KCNH5: variants seen among roughly 807,000 people sequenced by gnomAD.
KCNH5 encodes the protein potassium voltage-gated channel subfamily H member 5.
KCNH5 carries 46 observed loss-of-function variants against 96.1 expected under a neutral mutation model. The observed-to-expected ratio is 0.48, with a 90% CI of 0.38 to 0.61. The LOEUF (loss-of-function observed/expected upper bound fraction) is 0.61, where lower values mean the gene tolerates loss of function less well. KCNH5 is among the 20% of genes least tolerant of loss of function. KCNH5 has a pLI of 0.00. For missense variants in KCNH5, 907 were observed against 1,225.8 expected, an observed-to-expected ratio of 0.74 and a Z score of 3.88; for synonymous variants, 439 against 449.8, an observed-to-expected ratio of 0.98 and a Z score of 0.30.
intron 10 of KCNH5, among the ~76,000 whole-genome samples, chr14:62,760,873 A>G (rs1484305175): frequency 6.6e-6 from 1 of 152,280 alleles, no homozygotes; most frequent in Non-Finnish European, 1.5e-5. Context: ...ACAGTTAAGT[A>G]TTAAGAATTC....
chr14:62,829,199 G>A (rs1887289918), intron 8 of KCNH5, among the ~76,000 whole-genome samples: 1 of 152,154 alleles, frequency 6.6e-6, no homozygotes, highest in Admixed American at 6.5e-5. Context: ...ATGGGCTGGT[G>A]TTGAGTGCCT....
intron 10 of KCNH5, among the ~76,000 whole-genome samples, chr14:62,753,301 CAG>C (rs1478699540): frequency 2.0e-5 from 3 of 151,424 alleles, no homozygotes; most frequent in African/African-American, 7.3e-5. Flanking sequence ...TGAAAATAGA[CAG>C]AAGAGAAAAA....
At chr14:62,922,573 A>AAC (rs1889399629) in intron 7 of KCNH5, among the ~76,000 whole-genome samples, 1 of 152,154 alleles carries the variant, frequency 6.6e-6, no homozygotes, top group East Asian at 1.9e-4. Context: ...AACTGAATTC[A>AAC]ACAGCATATT....
chr14:62,751,409 C>T (rs540503072), intron 10 of KCNH5, among the ~76,000 whole-genome samples: 17 of 152,298 alleles, frequency 1.1e-4, no homozygotes, highest in Non-Finnish European at 7.3e-5. Context: ...ACCCAAGGCT[C>T]CTCTAGAGAT....
At chr14:62,856,923 G>A (rs1340181614) in intron 7 of KCNH5, among the ~76,000 whole-genome samples, 1 of 152,044 alleles carries the variant, frequency 6.6e-6, no homozygotes, top group Non-Finnish European at 1.5e-5. Context: ...AGAGATGCTG[G>A]AATTTGGAAA....
rs2139892971 is a variant in KCNH5 at position 62,700,707 on chromosome 14, A to AT, written c.*6800dup. On this transcript the variant is annotated 3_prime_UTR_variant, in exon 11 of 11. Coordinates refer to ENST00000322893, the MANE Select transcript of KCNH5 (RefSeq NM_139318.5). ...GAATTATAAATGAATCTTTGTTGTG[A>AT]TTTTGCATAGTTTACTAGCTAGGTA... 1 of 152,242 alleles carries AT rather than the reference A, an allele frequency of 6.6e-6. No individual in the cohort carries two copies. Among genetic ancestry groups the AT allele is most frequent in the South Asian group, 2.1e-4 (1 of 4,830 alleles). 9.4% of individuals were successfully genotyped at this position (152,242 alleles called of 1,614,324 possible).
intron 10 of KCNH5, among the ~76,000 whole-genome samples, chr14:62,771,173 C>G (rs1356865520): frequency 6.6e-6 from 1 of 152,122 alleles, no homozygotes; most frequent in Non-Finnish European, 1.5e-5. Context: ...CTTCTAACCT[C>G]CAGAACTGTG....
chr14:62,729,684 T>C (rs1017119338), intron 10 of KCNH5, among the ~76,000 whole-genome samples: 4 of 152,192 alleles, frequency 2.6e-5, no homozygotes, highest in African/African-American at 4.8e-5. Context: ...CTCTTCTTCC[T>C]TTGCACAATG....
Position 63,003,214 on chromosome 14 carries a change from A to C in KCNH5, c.305-1755T>G, listed in dbSNP as rs1282718165. On this transcript the variant is annotated intron_variant, in intron 3 of 10. Transcript: ENST00000322893. ...TTAGATATGAAGGTAATTGTTTTTC[A>C]ACTTTCCAAGCCACAGGGTCATATT... Among the ~76,000 whole-genome samples the C allele has an allele frequency of 3.3e-5, 5 of 151,718 alleles. No homozygotes were observed. The East Asian group carries it at 7.7e-4, about 23-fold the overall frequency.
At chr14:62,768,561 A>C in intron 10 of KCNH5, among the ~76,000 whole-genome samples, 1 of 152,246 alleles carries the variant, frequency 6.6e-6, no homozygotes, top group Non-Finnish European at 1.5e-5. Context: ...CTAAAATAAA[A>C]ACAAATGTCT....
chr14:62,772,636 G>GAAAAA (rs3045398), intron 10 of KCNH5, among the ~76,000 whole-genome samples: 1 of 84,730 alleles, frequency 1.2e-5, no homozygotes, highest in Admixed American at 1.4e-4. Context: ...GACTTTGTCT[G>GAAAAA]AAAAAAAAAA....
intron 9 of KCNH5, among the ~76,000 whole-genome samples, chr14:62,785,912 G>C (rs563051761): frequency 6.6e-6 from 1 of 152,278 alleles, no homozygotes; most frequent in South Asian, 2.1e-4. Context: ...CCACAGTTAG[G>C]CAGGGCACGG....
chr14:62,831,689 A>C (rs1887352834), intron 8 of KCNH5, among the ~76,000 whole-genome samples: 1 of 151,968 alleles, frequency 6.6e-6, no homozygotes, highest in African/African-American at 2.4e-5. Context: ...TTTTCTTGTA[A>C]TGTGTTTTGA....
intron 7 of KCNH5, among the ~76,000 whole-genome samples, chr14:62,855,832 AT>A (rs1404403711): frequency 6.6e-6 from 1 of 152,248 alleles, no homozygotes; most frequent in African/African-American, 2.4e-5. Context: ...CATCACAGAC[AT>A]CACTATTCAT....
rs200814717 is a variant in KCNH5 at position 63,016,485 on chromosome 14, T to C, written c.197+346A>G. Among the ~76,000 whole-genome samples, 65 of 152,158 alleles carry C rather than the reference T, an allele frequency of 4.3e-4. 1 individual carries two copies. The East Asian group carries it at 6.6e-3, about 15-fold the overall frequency. ...GTTTTATTCAAGACAATTTAGTTGT[T>C]CCAGAGGTGCTGTAGATCACATGCC... On this transcript the variant is annotated intron_variant, in intron 2 of 10. Coordinates refer to ENST00000322893, the MANE Select transcript of KCNH5 (RefSeq NM_139318.5).
chr14:62,861,839 C>T (rs1888041295), intron 7 of KCNH5, among the ~76,000 whole-genome samples: 2 of 152,100 alleles, frequency 1.3e-5, no homozygotes, highest in African/African-American at 4.8e-5. Context: ...TATTTCGATA[C>T]AGAGATTTTC....
Position 62,970,817 on chromosome 14 carries a change from T to C in KCNH5, c.942+10055A>G, listed in dbSNP as rs115334866. Among the ~76,000 whole-genome samples, 906 of 151,324 alleles carry C rather than the reference T, an allele frequency of 6.0e-3. 6 individuals carry two copies. Among genetic ancestry groups the C allele is most frequent in the African/African-American group, 0.021 (859 of 41,210 alleles). ...AACATCGATTCATGATAAAATACTC[T>C]CAACAAACTACAAGTAGAGAGGAAA... On this transcript the variant is annotated intron_variant, in intron 6 of 10. Transcript: ENST00000322893.
intron 8 of KCNH5, among the ~76,000 whole-genome samples, chr14:62,817,595 T>C (rs1174475377): frequency 6.7e-6 from 1 of 150,332 alleles, no homozygotes; most frequent in Non-Finnish European, 1.5e-5. Context: ...ATGTATTTGC[T>C]ATATCTACTA....
At chr14:62,892,982 T>C (rs1482100082) in intron 7 of KCNH5, among the ~76,000 whole-genome samples, 1 of 152,210 alleles carries the variant, frequency 6.6e-6, no homozygotes, top group East Asian at 1.9e-4. Flanking sequence ...CAACATCCAT[T>C]CTGCAGCCCA....
Sources: gnomAD v4.1 joint callset for allele counts (sites outside exome capture counted in the v4.1 genomes callset) on GRCh38, gnomAD v4.1.1 for gene constraint, MANE v1.5 for transcripts, NCBI Gene and HGNC (gene_info 2026-07-23, HGNC 2026-07-21) for gene names.